The following CLSTN2 variants were observed in gnomAD, a reference collection of about 807,000 sequenced individuals.
CLSTN2 encodes calsyntenin 2.
CLSTN2 carries 48 observed loss-of-function variants against 101.2 expected under a neutral mutation model. The observed-to-expected ratio is 0.47, with a 90% CI of 0.38 to 0.60. CLSTN2 has a LOEUF of 0.60. Among genes scored for constraint, CLSTN2 ranks in the 20% least tolerant of loss-of-function variants. The pLI is 0.00. For missense variants in CLSTN2, 1,160 were observed against 1,238.2 expected, an observed-to-expected ratio of 0.94 and a Z score of 0.95; for synonymous variants, 481 against 463.6, an observed-to-expected ratio of 1.04 and a Z score of -0.48.
rs555968810 is a variant in CLSTN2 at position 140,308,775 on chromosome 3, A to G, written c.233-94854A>G. Reference sequence around the variant, plus strand: ...GAAGCACAGTCTTCACTCCAGTTTTATGCTAAGTCATCCAGTATTCTGAGA... The same window carrying G: ...GAAGCACAGTCTTCACTCCAGTTTTGTGCTAAGTCATCCAGTATTCTGAGA... On this transcript the variant is annotated intron_variant, in intron 2 of 16. Coordinates refer to ENST00000458420, the MANE Select transcript of CLSTN2 (RefSeq NM_022131.3). 5.3e-5 allele frequency among the ~76,000 whole-genome samples: 8 copies of G among 152,322 alleles called. No individual in the cohort carries two copies. In the South Asian group the frequency reaches 1.7e-3, roughly 32 times the overall value.
intron 1 of CLSTN2, among the ~76,000 whole-genome samples, chr3:140,002,447 A>T (rs2006862409): frequency 1.3e-5 from 2 of 152,158 alleles, no homozygotes; most frequent in African/African-American, 4.8e-5. Context: ...TTCCTTATAT[A>T]TTATGGTTAT....
At chr3:140,253,773 AT>A (rs138360194) in intron 2 of CLSTN2, among the ~76,000 whole-genome samples, 20 of 149,318 alleles carry the variant, frequency 1.3e-4, no homozygotes, top group Admixed American at 2.7e-4. Flanking sequence ...GGTCTTTTTT[AT>A]TTTTTTTTTC....
At chr3:140,017,354 A>G (rs1222621379) in intron 1 of CLSTN2, among the ~76,000 whole-genome samples, 1 of 152,220 alleles carries the variant, frequency 6.6e-6, no homozygotes, top group East Asian at 1.9e-4. Flanking sequence ...AAGGGTGGTC[A>G]CTGAAGGGTT....
chr3:140,337,906 T>C (rs1203936525), intron 2 of CLSTN2, among the ~76,000 whole-genome samples: 1 of 152,172 alleles, frequency 6.6e-6, no homozygotes, highest in African/African-American at 2.4e-5. Context: ...AACTTCCACA[T>C]GGGGCAGAGA....
rs958197210 is a variant in CLSTN2, at chr3:140,214,923, C to T, written c.232+38850C>T. ...TAATAAATTTAGACTATTATATGCA[C>T]GTTAATCATAATGCATCAAATTTTT... On this transcript the variant is annotated intron_variant, in intron 2 of 16. Coordinates refer to ENST00000458420, the MANE Select transcript of CLSTN2 (RefSeq NM_022131.3). 5.9e-5 allele frequency among the ~76,000 whole-genome samples: 9 copies of T among 152,282 alleles called. No homozygotes were observed. The South Asian group carries it at 6.2e-4, about 11-fold the overall frequency.
intron 1 of CLSTN2, among the ~76,000 whole-genome samples, chr3:140,027,126 A>G (rs1000027679): frequency 2.0e-5 from 3 of 152,234 alleles, no homozygotes; most frequent in Admixed American, 1.3e-4. Context: ...GGCGTTCATC[A>G]GAGCAAAACT....
rs566306348 is a variant in CLSTN2 at position 140,316,176 on chromosome 3, G to A, written c.233-87453G>A. 1.4e-4 allele frequency among the ~76,000 whole-genome samples: 21 copies of A among 152,218 alleles called. No homozygotes were observed. The East Asian group carries it at 4.1e-3, about 29-fold the overall frequency. On this transcript the variant is annotated intron_variant, in intron 2 of 16. Transcript: ENST00000458420. ...AGCCCAGCTGGGGATAGATAGATTA[G>A]CATATGATTACCATTCAGTGCAAGC...
intron 8 of CLSTN2, among the ~76,000 whole-genome samples, chr3:140,487,925 A>G (rs1934271070): frequency 6.6e-6 from 1 of 152,260 alleles, no homozygotes; most frequent in Admixed American, 6.5e-5. Flanking sequence ...AGCCCACAAT[A>G]GGGTTATAAA....
At chr3:140,066,947 G>A (rs1226753010) in intron 1 of CLSTN2, among the ~76,000 whole-genome samples, 2 of 152,214 alleles carry the variant, frequency 1.3e-5, no homozygotes, top group Admixed American at 1.3e-4. Flanking sequence ...TATCATTGGT[G>A]TATTTTAATC....
intron 1 of CLSTN2, among the ~76,000 whole-genome samples, chr3:140,090,752 G>T (rs1188005298): frequency 1.3e-5 from 2 of 152,122 alleles, no homozygotes; most frequent in African/African-American, 4.8e-5. Context: ...CAAACTTAGG[G>T]TGAAGTTTCT....
At chr3:140,291,489 C>G (rs978906187) in intron 2 of CLSTN2, among the ~76,000 whole-genome samples, 9 of 151,924 alleles carry the variant, frequency 5.9e-5, no homozygotes, top group African/African-American at 2.2e-4. Context: ...TTCTGTGATT[C>G]CATTGTCTCT....
chr3:140,223,827 C>T (rs1388049858), intron 2 of CLSTN2, among the ~76,000 whole-genome samples: 1 of 152,178 alleles, frequency 6.6e-6, no homozygotes. Flanking sequence ...CTACAGTGCT[C>T]AGTGTTGACT....
At chr3:139,953,673 A>G (rs1935333829) in intron 1 of CLSTN2, among the ~76,000 whole-genome samples, 1 of 152,130 alleles carries the variant, frequency 6.6e-6, no homozygotes, top group South Asian at 2.1e-4. Context: ...CTCAGGTGGG[A>G]GGATGACTGA....
chr3:140,401,795 C>T lies in CLSTN2; in HGVS notation c.233-1834C>T, dbSNP rs141589968. Among the ~76,000 whole-genome samples, 67 of 152,286 alleles carry T rather than the reference C, an allele frequency of 4.4e-4. 1 individual carries two copies. Among genetic ancestry groups the T allele is most frequent in the African/African-American group, 1.5e-3 (64 of 41,558 alleles). ...TCAAAAAGCAGCTACTTTAGAGGTT[C>T]ATCTATTCAACGCTTCTAATTTAGA... On this transcript the variant is annotated intron_variant, in intron 2 of 16. Coordinates refer to ENST00000458420, the MANE Select transcript of CLSTN2 (RefSeq NM_022131.3).
chr3:140,200,180 T>C (rs1576464626), intron 2 of CLSTN2, among the ~76,000 whole-genome samples: 1 of 152,202 alleles, frequency 6.6e-6, no homozygotes, highest in African/African-American at 2.4e-5. Context: ...TGATCAAGGC[T>C]ATCATGAAAG....
At chr3:140,018,190 G>A (rs569948392) in intron 1 of CLSTN2, among the ~76,000 whole-genome samples, 31 of 152,276 alleles carry the variant, frequency 2.0e-4, no homozygotes, top group Non-Finnish European at 4.4e-4. Flanking sequence ...TGGTCGCTGT[G>A]TTTCTGTGTC....
At chr3:139,980,976 A>G (rs536687868) in intron 1 of CLSTN2, among the ~76,000 whole-genome samples, 4 of 152,164 alleles carry the variant, frequency 2.6e-5, no homozygotes, top group Admixed American at 6.5e-5. Context: ...ACTTGTGCCT[A>G]GATAACTGAA....
At chr3:140,272,210 A>G (rs2086748429) in intron 2 of CLSTN2, among the ~76,000 whole-genome samples, 1 of 152,214 alleles carries the variant, frequency 6.6e-6, no homozygotes, top group South Asian at 2.1e-4. Flanking sequence ...TTTTTGAACA[A>G]CCTAGATCTA....
chr3:140,524,098 T>A (rs1164589111), intron 8 of CLSTN2, among the ~76,000 whole-genome samples: 2 of 152,176 alleles, frequency 1.3e-5, no homozygotes, highest in African/African-American at 4.8e-5. Flanking sequence ...AGTAGGGGAA[T>A]TCAAAAGCAA....
Sources: allele counts gnomAD v4.1 joint callset (sites outside exome capture counted in the v4.1 genomes callset), GRCh38; gene constraint gnomAD v4.1.1; transcripts MANE v1.5; gene names NCBI Gene and HGNC (gene_info 2026-07-23, HGNC 2026-07-21).